PCDH7: variants seen among roughly 807,000 people sequenced by gnomAD.
PCDH7 encodes protocadherin-7.
Under a neutral mutation model 58.9 loss-of-function variants are expected in PCDH7, and 17 were observed. That is an observed-to-expected ratio of 0.29 (90% confidence interval 0.20 to 0.43). The LOEUF is 0.43. Among genes scored for constraint, PCDH7 ranks in the 20% least tolerant of loss-of-function variants. PCDH7 has a pLI of 1.00. For synonymous variants in PCDH7, 664 were observed against 616.4 expected, an observed-to-expected ratio of 1.08 and a Z score of -1.14; for missense variants, 1,274 against 1,441.0, an observed-to-expected ratio of 0.88 and a Z score of 1.88.
intron 3 of PCDH7, among the ~76,000 whole-genome samples, chr4:31,122,730 T>A (rs1717840512): frequency 1.3e-5 from 2 of 152,076 alleles, no homozygotes; most frequent in Admixed American, 1.3e-4. Context: ...AATGTCCCTT[T>A]TTTTTAAGTA....
chr4:30,794,191 C>A (rs917666978), intron 1 of PCDH7, among the ~76,000 whole-genome samples: 2 of 152,136 alleles, frequency 1.3e-5, no homozygotes, highest in Admixed American at 6.5e-5. Context: ...ATGGCCACAA[C>A]GGTTGTGAAT....
chr4:31,137,337 C>T (rs1719728611), intron 3 of PCDH7, among the ~76,000 whole-genome samples: 1 of 152,256 alleles, frequency 6.6e-6, no homozygotes. Context: ...AATCCCAGCA[C>T]TTTGGCAGGC....
chr4:30,839,869 C>T (rs1330953809), intron 1 of PCDH7, among the ~76,000 whole-genome samples: 2 of 152,126 alleles, frequency 1.3e-5, no homozygotes, highest in African/African-American at 4.8e-5. Flanking sequence ...ATTGCTGACT[C>T]ATGCATGCTA....
Position 30,721,633 on chromosome 4 carries a change from G to T in PCDH7, c.211G>T (p.Gly71Cys), listed in dbSNP as rs1313522748. 2 of 1,613,650 alleles carry T rather than the reference G, an allele frequency of 1.2e-6. No homozygotes were observed. The highest frequency in any genetic ancestry group is 3.3e-5 in the Admixed American group (2 of 60,022). The change falls in exon 1 of 2, where the codon GGT becomes TGT. Residue 71 changes from glycine to cysteine, a missense_variant. Physicochemically the swap from Gly to Cys is radical, Grantham distance 159. This residue lies in a region of PCDH7 where 212 missense variants were observed against 255.8 expected (regional missense o/e 0.83). Transcript: ENST00000361762. This position sits in a 1 kb window ranked among gnomAD's most constrained non-coding sequence, Gnocchi z 6.7. ...TGAGGTGACTTTCAGCCTGGAGTCCGGTTCCGAGTACCTGAAGATCGACAA... is the reference window on the plus strand; with the variant it reads ...TGAGGTGACTTTCAGCCTGGAGTCCTGTTCCGAGTACCTGAAGATCGACAA...
intron 3 of PCDH7, among the ~76,000 whole-genome samples, chr4:30,964,935 A>G (rs1482190628): frequency 6.6e-6 from 1 of 152,194 alleles, no homozygotes; most frequent in African/African-American, 2.4e-5. Flanking sequence ...AGCAATATTC[A>G]GAGTTATTGC....
Position 30,764,680 on chromosome 4 carries a change from C to T in PCDH7, c.70+40084C>T, listed in dbSNP as rs528199146. 1.8e-3 allele frequency among the ~76,000 whole-genome samples: 275 copies of T among 150,844 alleles called. 1 individual carries two copies. The highest frequency in any genetic ancestry group is 3.5e-3 in the Non-Finnish European group (240 of 67,858). On this transcript the variant is annotated intron_variant, in intron 1 of 3. Coordinates refer to the PCDH7 transcript ENST00000509759. ...GACCTAAGTCTAATTCTACCTAATG[C>T]ACACAATTGACCTGATTATATGTTT...
At chr4:30,731,498 AC>A (rs1205911705) in exon 2 of PCDH7, 1 of 152,100 alleles carries the variant, frequency 6.6e-6, no homozygotes, top group Non-Finnish European at 1.5e-5. Context: ...TGAAATAGTG[AC>A]CAAGATATTT....
At chr4:30,937,544 G>A (rs973633452) in intron 2 of PCDH7, among the ~76,000 whole-genome samples, 1 of 152,030 alleles carries the variant, frequency 6.6e-6, no homozygotes, top group African/African-American at 2.4e-5. Flanking sequence ...TTAAGAATTA[G>A]AAGCTTCCTT....
At chr4:30,970,697 C>G (rs1324979189) in intron 3 of PCDH7, among the ~76,000 whole-genome samples, 1 of 151,970 alleles carries the variant, frequency 6.6e-6, no homozygotes, top group Admixed American at 6.6e-5. Context: ...TTTATTACTT[C>G]TAAGCAATCA....
chr4:30,785,980 C>T lies in PCDH7; in HGVS notation c.70+61384C>T, dbSNP rs553834886. 7.9e-5 allele frequency among the ~76,000 whole-genome samples: 12 copies of T among 152,104 alleles called. 1 individual carries two copies. Among genetic ancestry groups the T allele is most frequent in the African/African-American group, 2.9e-4 (12 of 41,542 alleles). On this transcript the variant is annotated intron_variant, in intron 1 of 3. Transcript: ENST00000509759. ...TCTGGCACCGAAAGTAGAAATTGAC[C>T]TGTTGGTCAGGCTCAAGTTCAGAGA...
chr4:30,764,725 GTTTGTTT>G (rs1720480747), intron 1 of PCDH7, among the ~76,000 whole-genome samples: 2 of 151,524 alleles, frequency 1.3e-5, no homozygotes, highest in African/African-American at 4.9e-5. Flanking sequence ...TTGTTTGTTT[GTTTGTTT>G]GTTTGTTTTG....
chr4:30,892,427 A>G (rs1028585576), intron 1 of PCDH7, among the ~76,000 whole-genome samples: 11 of 152,078 alleles, frequency 7.2e-5, no homozygotes, highest in African/African-American at 2.7e-4. Context: ...AAAGTTCAGA[A>G]GAATTATTCT....
At chr4:31,007,517 T>A (rs1752864460) in intron 3 of PCDH7, among the ~76,000 whole-genome samples, 1 of 152,098 alleles carries the variant, frequency 6.6e-6, no homozygotes, top group African/African-American at 2.4e-5. Flanking sequence ...TGTCCAGTTT[T>A]AATTGTTGAA....
intron 3 of PCDH7, among the ~76,000 whole-genome samples, chr4:30,952,533 C>A (rs773250752): frequency 2.7e-5 from 4 of 150,408 alleles, no homozygotes; most frequent in East Asian, 2.0e-4. Context: ...TTAGGAGTAA[C>A]AAAATGAAGG....
intron 1 of PCDH7, among the ~76,000 whole-genome samples, chr4:30,867,224 G>C (rs553175712): frequency 1.8e-4 from 27 of 152,094 alleles, no homozygotes; most frequent in African/African-American, 6.0e-4. Flanking sequence ...GTTCTGATTT[G>C]ATTTGTTTAT....
chr4:31,079,947 A>G (rs1157528678), intron 3 of PCDH7, among the ~76,000 whole-genome samples: 1 of 152,116 alleles, frequency 6.6e-6, no homozygotes, highest in Admixed American at 6.5e-5. Context: ...ATATAATACA[A>G]ATAAAATAGC....
intron 1 of PCDH7, chr4:30,725,385 G>A (rs983429565): frequency 1.0e-5 from 6 of 602,886 alleles, no homozygotes; most frequent in South Asian, 7.3e-5. Flanking sequence ...CTGTGTGCAA[G>A]ACTATTTTGG....
At chr4:31,142,959 C>A (rs1232141529), downstream of PCDH7, 14 of 782,058 alleles carry the variant, frequency 1.8e-5, no homozygotes, top group East Asian at 5.6e-5. Flanking sequence ...ACCAAAGAGA[C>A]AAAGCTTTGC....
chr4:31,044,502 A>G (rs1756130636), intron 3 of PCDH7, among the ~76,000 whole-genome samples: 1 of 151,928 alleles, frequency 6.6e-6, no homozygotes, highest in Admixed American at 6.6e-5. Flanking sequence ...TATTGATTTC[A>G]TTTTTCATTG....
Sources: allele counts gnomAD v4.1 joint callset (sites outside exome capture counted in the v4.1 genomes callset), GRCh38; gene constraint gnomAD v4.1.1; regional missense constraint gnomAD v4.1.1; non-coding constraint Gnocchi (gnomAD v3.1); transcripts MANE v1.5; gene names NCBI Gene and HGNC (gene_info 2026-07-23, HGNC 2026-07-21).